The following SEPTIN6 variants were observed in gnomAD, a reference collection of about 807,000 sequenced individuals.
The protein encoded by SEPTIN6 is septin-6.
SEPTIN6 carries 8 observed loss-of-function variants against 33.6 expected under a neutral mutation model. The ratio of observed to expected loss-of-function variants is 0.24; its 90% CI spans 0.14 to 0.43. The LOEUF (loss-of-function observed/expected upper bound fraction) is 0.43. Ranked by LOEUF, SEPTIN6 falls within the 20% of genes least tolerant of loss-of-function variation. SEPTIN6 has a pLI of 1.00. For synonymous variants in SEPTIN6, 131 were observed against 140.0 expected (o/e 0.94, Z 0.45); for missense variants, 250 against 340.8 (o/e 0.73, Z 2.10).
At chrX:119,657,990 G>A (rs1373996363) in intron 3 of SEPTIN6, among the ~76,000 whole-genome samples, 1 of 111,161 alleles carries the variant, frequency 9.0e-6, no homozygotes, top group Non-Finnish European at 1.9e-5. Flanking sequence ...AGCCGGGCGT[G>A]GTGGTGGGCG....
intron 1 of SEPTIN6, among the ~76,000 whole-genome samples, chrX:119,676,216 C>T (rs1159231741): frequency 1.8e-5 from 2 of 111,988 alleles, no homozygotes; most frequent in Non-Finnish European, 3.8e-5. Context: ...AATCCCAGCA[C>T]TTTGGGAGGC....
At chrX:119,653,216 C>T (rs1036341040) in intron 3 of SEPTIN6, among the ~76,000 whole-genome samples, 176 bp from the exon 4 acceptor site, 2 of 111,165 alleles carry the variant, frequency 1.8e-5, no homozygotes, top group South Asian at 7.6e-4. Flanking sequence ...TTCTTGGTCC[C>T]TACATGAGCC....
intron 1 of SEPTIN6, among the ~76,000 whole-genome samples, chrX:119,679,952 G>A (rs1221850822): frequency 1.8e-5 from 2 of 111,553 alleles, no homozygotes; most frequent in Non-Finnish European, 3.8e-5. Flanking sequence ...GTCTAAGCCC[G>A]GGAGCTTGGA....
intron 1 of SEPTIN6, among the ~76,000 whole-genome samples, chrX:119,683,651 A>T (rs2055002823): frequency 8.9e-6 from 1 of 112,268 alleles, no homozygotes; most frequent in Non-Finnish European, 1.9e-5. Flanking sequence ...TTGGGTAGAG[A>T]GGTTGTAGGT....
rs1424947856 is a variant in SEPTIN6, at chrX:119,618,173, T to TTG, written c.*1919_*1920insCA. ...GCTGAGTATCTGAGCAGATTTTTTTTTTTTTTTTTTTGGTCGTTGGTTTGT... is the reference window on the plus strand; with the variant it reads ...GCTGAGTATCTGAGCAGATTTTTTTTTGTTTTTTTTTTTGGTCGTTGGTTTGT... On this transcript the variant is annotated 3_prime_UTR_variant, in exon 11 of 11. Coordinates refer to ENST00000394610, the MANE Select transcript of SEPTIN6 (RefSeq NM_145799.4). 1.3e-6 allele frequency: 1 copy of TTG among 794,258 alleles called. No homozygotes were observed. Among genetic ancestry groups the TTG allele is most frequent in the Non-Finnish European group, 1.5e-6 (1 of 666,291 alleles). The allele number at this position is 794,258 out of a possible 1,213,427, so 65.5% of individuals were successfully genotyped here.
At chrX:119,666,686 T>A (rs73214934) in intron 2 of SEPTIN6, among the ~76,000 whole-genome samples, 307 of 111,545 alleles carry the variant, frequency 2.8e-3, no homozygotes, top group Middle Eastern at 9.3e-3. Context: ...CTCACACAGA[T>A]CATGTTTCAA....
At chrX:119,671,540 G>A (rs1323963149) in intron 2 of SEPTIN6, among the ~76,000 whole-genome samples, 2 of 109,807 alleles carry the variant, frequency 1.8e-5, no homozygotes, top group African/African-American at 3.3e-5. Context: ...CGCCCACCTC[G>A]GCCTCCCAAA....
intron 3 of SEPTIN6, among the ~76,000 whole-genome samples, chrX:119,661,323 C>A (rs191633493): frequency 2.1e-4 from 23 of 109,052 alleles, no homozygotes; most frequent in African/African-American, 7.4e-4. Context: ...CCCAGCTACT[C>A]GGGAGGCTGA....
At chrX:119,631,472 G>A (rs1199044775) in intron 8 of SEPTIN6, among the ~76,000 whole-genome samples, 2 of 111,482 alleles carry the variant, frequency 1.8e-5, no homozygotes, top group African/African-American at 6.5e-5. Context: ...GAGCCACCAC[G>A]CCTGGCCTAA....
At chrX:119,623,372 A>G (rs935495871) in intron 10 of SEPTIN6, among the ~76,000 whole-genome samples, 22 of 111,622 alleles carry the variant, frequency 2.0e-4, no homozygotes, top group African/African-American at 6.8e-4. Context: ...AATATATACT[A>G]AAGTATTTAC....
Position 119,663,503 on chromosome X carries a change from T to C in SEPTIN6, c.320A>G (p.Asp107Gly). ...TTACCTGTCCTCTTTGTTGATCTGG[T>C]CCCCAAAGCCAACTGTGCTAACGAT... is the stretch of plus-strand genomic sequence containing the variant. ...LTIVSTVGFG[D>G]QINKEDSYKP... The change falls in exon 3 of 11, where the codon GAC becomes GGC. Residue 107 changes from aspartate (D) to glycine (G), a missense_variant. Asp to Gly is a moderately conservative substitution (Grantham distance 94). This residue lies in a region of SEPTIN6 where 111 missense variants were observed against 113.8 expected (regional missense o/e 0.98). Transcript: ENST00000394610. 2 of 1,125,519 alleles carry C rather than the reference T, an allele frequency of 1.8e-6. No individual in the cohort carries two copies. The highest frequency in any genetic ancestry group is 1.9e-5 in the African/African-American group (1 of 53,936). 92.8% of individuals were successfully genotyped at this position (1,125,519 alleles called of 1,213,427 possible). A position where few individuals can be genotyped will look rare whatever the true frequency, so the allele number is the denominator to read the frequency against.
chrX:119,619,864 T>C lies in SEPTIN6; in HGVS notation c.*229A>G. On this transcript the variant is annotated 3_prime_UTR_variant, in exon 11 of 11. Coordinates refer to ENST00000394610, the MANE Select transcript of SEPTIN6 (RefSeq NM_145799.4). ...ATGCAGGATGCATCTGCGAGCCACA[T>C]GACTGTTGGCTTCTTGACCAGCGGC... 9.2e-7 allele frequency: 1 copy of C among 1,084,135 alleles called. No individual in the cohort carries two copies. The highest frequency in any genetic ancestry group is 1.2e-6 in the Non-Finnish European group (1 of 834,187). The allele number at this position is 1,084,135 out of a possible 1,213,427, so 89.3% of individuals were successfully genotyped here. A position where few individuals can be genotyped will look rare whatever the true frequency, so the allele number is the denominator to read the frequency against.
In SEPTIN6 at chrX:119,678,195, C is replaced by T. The variant is rs187570981; in HGVS notation, c.31-2527G>A. The stretch of plus-strand genomic sequence containing the variant: ...TCGAGGCTGCAGTGAGCCATGATCT[C>T]GCCATTGCACTCCAGCCTGGGTAAC... On this transcript the variant is annotated intron_variant, in intron 1 of 10. Coordinates refer to ENST00000394610, the MANE Select transcript of SEPTIN6 (RefSeq NM_145799.4). Among the ~76,000 whole-genome samples, 552 of 110,102 alleles carry T rather than the reference C, an allele frequency of 5.0e-3. 2 individuals are homozygous for T. The highest frequency in any genetic ancestry group is 0.017 in the African/African-American group (524 of 30,248).
chrX:119,650,227 A>G, intron 4 of SEPTIN6, 129 bp from the exon 5 acceptor site: 1 of 581,850 alleles, frequency 1.7e-6, no homozygotes, highest in Non-Finnish European at 2.8e-6. Context: ...CCACTTCTGT[A>G]GCCAAATGAC....
chrX:119,650,019 C>T lies in SEPTIN6; in HGVS notation c.608G>A (p.Ser203Asn). 1.7e-6 allele frequency: 2 copies of T among 1,211,336 alleles called. No individual in the cohort carries two copies. Among genetic ancestry groups the T allele is most frequent in the Non-Finnish European group, 2.2e-6 (2 of 894,989 alleles). ...ELTKFKIKIT[S>N]ELVSNGVQIY... Reference sequence around the variant, plus strand: ...CTGGACTCCGTTGCTGACAAGCTCGCTGGTGATTTTGATTTTGAACTTTGT... The same window carrying T: ...CTGGACTCCGTTGCTGACAAGCTCGTTGGTGATTTTGATTTTGAACTTTGT... Residue 203 changes from serine (S) to asparagine (N), a missense_variant, in exon 5 of 11, where the codon AGC becomes AAC. Physicochemically the swap from Ser to Asn is conservative, Grantham distance 46. Around this residue, in one of 2 missense-constraint regions of SEPTIN6, gnomAD observed 139 missense variants for 227.0 expected, o/e 0.61. Transcript: ENST00000394610.
chrX:119,650,058 G>A lies in SEPTIN6; in HGVS notation c.569C>T (p.Ser190Leu), dbSNP rs866977085. 1.5e-5 allele frequency: 18 copies of A among 1,211,218 alleles called. No individual in the cohort carries two copies. The highest frequency in any genetic ancestry group is 2.0e-5 in the Non-Finnish European group (18 of 895,230). ...IPIIAKADAI[S>L]KSELTKFKIK... ...TTTGAACTTTGTTAGCTCACTCTTC[G>A]AAATGGCATCTGCTTTGGCAATGAT... The change falls in exon 5 of 11, where the codon TCG becomes TTG. Residue 190 changes from serine to leucine, a missense_variant. By Grantham distance (145) the Ser-to-Leu change is moderately radical (BLOSUM62 -2). Coordinates refer to ENST00000394610, the MANE Select transcript of SEPTIN6 (RefSeq NM_145799.4).
chrX:119,688,491 G>A (rs1013006879), intron 1 of SEPTIN6, among the ~76,000 whole-genome samples: 2 of 110,917 alleles, frequency 1.8e-5, no homozygotes, highest in African/African-American at 3.3e-5. Flanking sequence ...GGCAGATCAC[G>A]AGGTCAGGAG....
chrX:119,687,344 G>A (rs1209691171), intron 1 of SEPTIN6, among the ~76,000 whole-genome samples: 3 of 106,291 alleles, frequency 2.8e-5, no homozygotes, highest in African/African-American at 6.9e-5. Context: ...TCCGCCTCCC[G>A]GGTTCACGCC....
intron 1 of SEPTIN6, among the ~76,000 whole-genome samples, chrX:119,691,512 T>C (rs1030604199): frequency 1.8e-5 from 2 of 110,820 alleles, no homozygotes; most frequent in Non-Finnish European, 3.8e-5. Context: ...GGGAAGAAAA[T>C]TCTCTCAAAT....
Sources: allele counts gnomAD v4.1 joint callset (sites outside exome capture counted in the v4.1 genomes callset), GRCh38; gene constraint gnomAD v4.1.1; regional missense constraint gnomAD v4.1.1; transcripts MANE v1.5; gene names NCBI Gene and HGNC (gene_info 2026-07-23, HGNC 2026-07-21).